TPCN2: variants seen among roughly 807,000 people sequenced by gnomAD.
The protein encoded by TPCN2 is two pore segment channel 2.
Under a neutral mutation model 111.4 loss-of-function variants are expected in TPCN2, and 92 were observed. The observed-to-expected ratio is 0.83, with a 90% confidence interval of 0.70 to 0.98. The LOEUF (loss-of-function observed/expected upper bound fraction) is 0.98, where lower values mean the gene tolerates loss of function less well. Among genes scored for constraint, TPCN2 ranks in the 50% least tolerant of loss-of-function variants. The pLI, the probability that TPCN2 is intolerant of heterozygous loss-of-function variation, is 0.00. For missense variants in TPCN2, 995 were observed against 980.1 expected (o/e 1.02, Z -0.20); for synonymous variants, 405 against 414.5 (o/e 0.98, Z 0.28).
rs1176090409 is a variant in TPCN2 at position 69,085,938 on chromosome 11, C to T, written c.2003+8C>T. On this transcript the variant is annotated splice_region_variant and intron_variant, in intron 22 of 24. Coordinates refer to ENST00000294309, the MANE Select transcript of TPCN2 (RefSeq NM_139075.4). ...TCGGCGCTACTCAGGCCCGTGAGTC[C>T]TCGTCTCCCTGACGGCAGTGATTCT... 2 of 1,612,254 alleles carry T rather than the reference C, an allele frequency of 1.2e-6. No individual in the cohort carries two copies. The highest frequency in any genetic ancestry group is 1.7e-6 in the Non-Finnish European group (2 of 1,178,732).
In TPCN2 at chr11:69,087,985, GGA is replaced by G; in HGVS notation, c.*40_*41del. On this transcript the variant is annotated 3_prime_UTR_variant, in exon 25 of 25. Coordinates refer to ENST00000294309, the MANE Select transcript of TPCN2 (RefSeq NM_139075.4). ...GGCTGCCGTCCCAGCAGGGGCGGCAGGAGAGAGAGGCTGGCCTACACAGGTGC... is the reference window on the plus strand; with the variant it reads ...GGCTGCCGTCCCAGCAGGGGCGGCAGGAGAGAGGCTGGCCTACACAGGTGC... The G allele has an allele frequency of 1.3e-6, 2 of 1,582,438 alleles. No homozygotes were observed. Among genetic ancestry groups the G allele is most frequent in the Non-Finnish European group, 1.7e-6 (2 of 1,164,474 alleles).
At chr11:69,070,561 C>T in intron 9 of TPCN2, 66 bp downstream of exon 9, 3 of 1,180,872 alleles carry the variant, frequency 2.5e-6, no homozygotes, top group Non-Finnish European at 1.2e-6. Flanking sequence ...CCGATACACC[C>T]TGCTGCCTCC....
In TPCN2 at chr11:69,062,789, A is replaced by T; in HGVS notation, c.547-95A>T. On this transcript the variant is annotated intron_variant, in intron 5 of 24. Transcript: ENST00000294309. ...GTGACTCTGGAGTGGCCCCCAGGGC[A>T]CTGGGGTCTCTGAACCGTGTGCCCA... is the stretch of plus-strand genomic sequence containing the variant. The T allele has an allele frequency of 2.5e-6, 3 of 1,177,334 alleles. No individual in the cohort carries two copies. The South Asian group carries it at 3.9e-5, about 15-fold the overall frequency. 72.9% of individuals were successfully genotyped at this position (1,177,334 alleles called of 1,614,324 possible). A position where few individuals can be genotyped will look rare whatever the true frequency, so the allele number is the denominator to read the frequency against.
In TPCN2 at chr11:69,057,674, C is replaced by G; in HGVS notation, c.526C>G (p.Leu176Val). The change falls in exon 5 of 25, where the codon CTG becomes GTG. Residue 176 changes from leucine to valine, a missense_variant. Coordinates refer to ENST00000294309, the MANE Select transcript of TPCN2 (RefSeq NM_139075.4). ...VVSLVDWTVS[L>V]SLVCHEPLRI... is the part of the protein sequence containing the mutation. ...GTCTCTGGTGGACTGGACCGTGTCC[C>G]TGAGTCTCGTGTGTCATGAGGTAGG... The G allele has an allele frequency of 6.2e-7, 1 of 1,614,174 alleles. No homozygotes were observed. Among genetic ancestry groups the G allele is most frequent in the Non-Finnish European group, 8.5e-7 (1 of 1,180,008 alleles).
In TPCN2 at chr11:69,052,697, G is replaced by T. The variant is rs1164554678; in HGVS notation, c.110-1336G>T. Among the ~76,000 whole-genome samples the T allele has an allele frequency of 2.6e-5, 4 of 152,178 alleles. 1 individual carries two copies. The highest frequency in any genetic ancestry group is 2.6e-4 in the Admixed American group (4 of 15,278). ...CTATACCTCATGCCCCCAAGCAGGAGCCCCGAGGACAGGGGCAGCTGCCTC... is the reference window on the plus strand; with the variant it reads ...CTATACCTCATGCCCCCAAGCAGGATCCCCGAGGACAGGGGCAGCTGCCTC... On this transcript the variant is annotated intron_variant, in intron 1 of 24. Transcript: ENST00000294309.
intron 1 of TPCN2, among the ~76,000 whole-genome samples, chr11:69,050,253 T>A (rs1861161291): frequency 6.6e-6 from 1 of 152,228 alleles, no homozygotes; most frequent in African/African-American, 2.4e-5. Flanking sequence ...GGAGCAGCTC[T>A]GGCAGGCCCC....
intron 22 of TPCN2, 96 bp downstream of exon 22, chr11:69,086,026 G>C (rs1353377912): frequency 1.6e-6 from 2 of 1,273,274 alleles, no homozygotes. Flanking sequence ...CGCCCGGAGC[G>C]TGGCTGGGAC....
chr11:69,081,690 C>T (rs1004596178), intron 18 of TPCN2, among the ~76,000 whole-genome samples, 191 bp downstream of exon 18: 1 of 152,148 alleles, frequency 6.6e-6, no homozygotes, highest in Non-Finnish European at 1.5e-5. Context: ...CAGGAGAGCC[C>T]AGCCCTGCAT....
chr11:69,059,278 G>A (rs1457677622), intron 5 of TPCN2, among the ~76,000 whole-genome samples: 1 of 141,556 alleles, frequency 7.1e-6, no homozygotes, highest in East Asian at 2.5e-4. Context: ...GCAGCAGCCA[G>A]CCTGCCCGCT....
rs964482125 is a variant in TPCN2, at chr11:69,082,128, A to G, written c.1689+629A>G. Among the ~76,000 whole-genome samples the G allele has an allele frequency of 1.8e-4, 27 of 152,188 alleles. 1 individual carries two copies. Among genetic ancestry groups the G allele is most frequent in the African/African-American group, 6.0e-4 (25 of 41,434 alleles). On this transcript the variant is annotated intron_variant, in intron 18 of 24. Transcript: ENST00000294309. ...GAGCTGTGCACCTGTCCCACCTGAC[A>G]GTATGTCCCACTTGAAGGCAGCTCA... is the stretch of plus-strand genomic sequence containing the variant.
intron 1 of TPCN2, 107 bp from the exon 2 acceptor site, chr11:69,053,926 G>T (rs67637249): frequency 0.011 from 10,299 of 949,718 alleles, 73 homozygotes; most frequent in Non-Finnish European, 0.014. Context: ...CTTTACAAAC[G>T]GCCTTGGGAA....
At chr11:69,052,948 C>G (rs530709494) in intron 1 of TPCN2, among the ~76,000 whole-genome samples, 1 of 152,226 alleles carries the variant, frequency 6.6e-6, no homozygotes, top group Non-Finnish European at 1.5e-5. Flanking sequence ...TCAGTTGCTT[C>G]GGGTTGAGTT....
intron 3 of TPCN2, 75 bp downstream of exon 3, chr11:69,054,872 A>G: frequency 5.5e-6 from 8 of 1,467,468 alleles, no homozygotes; most frequent in Non-Finnish European, 6.6e-6. Context: ...CCACCTGGGG[A>G]TCACCTGGTC....
In TPCN2 at chr11:69,070,413, T is replaced by C. The variant is rs190276019; in HGVS notation, c.830-17T>C. The stretch of plus-strand genomic sequence containing the variant: ...GTACTGAGGTTGTCAGTTTCTGTTA[T>C]TTCTTTTTTCTTTTAGTGATGATTC... On this transcript the variant is annotated splice_polypyrimidine_tract_variant and intron_variant, in intron 8 of 24. Coordinates refer to ENST00000294309, the MANE Select transcript of TPCN2 (RefSeq NM_139075.4). The C allele has an allele frequency of 5.8e-4, 927 of 1,604,820 alleles. 11 individuals are homozygous for C. The East Asian group carries it at 0.015, about 26-fold the overall frequency.
chr11:69,078,965 G>T lies in TPCN2; in HGVS notation c.1484G>T (p.Gly495Val). 1 of 1,614,042 alleles carries T rather than the reference G, an allele frequency of 6.2e-7. No individual in the cohort carries two copies. The highest frequency in any genetic ancestry group is 8.5e-7 in the Non-Finnish European group (1 of 1,179,998). ...LLKVFALGLR[G>V]YLSYPSNVFD... ...AAGGTCTTTGCCCTGGGCCTGCGAG[G>T]GTACCTGTCCTACCCCAGCAACGTG... The change falls in exon 16 of 25, where the codon GGG becomes GTG. Residue 495 changes from glycine (G) to valine (V), a missense_variant. By Grantham distance (109) the Gly-to-Val change is moderately radical (BLOSUM62 -3). Coordinates refer to ENST00000294309, the MANE Select transcript of TPCN2 (RefSeq NM_139075.4).
chr11:69,056,318 T>C (rs551006536), intron 4 of TPCN2, among the ~76,000 whole-genome samples: 1 of 152,336 alleles, frequency 6.6e-6, no homozygotes, highest in African/African-American at 2.4e-5. Context: ...TGTGGCTGGA[T>C]GCTGGTGTGT....
At position 69,055,046 on chromosome 11, in the gene TPCN2, C is replaced by T. The variant is rs1445877839; in HGVS notation, c.252-129C>T. ...GGAGCTTTGAGCAGATTCGTGATCT[C>T]CCCAGTCACGAGTGTCCACGCTCAG... On this transcript the variant is annotated intron_variant, in intron 3 of 24. Transcript: ENST00000294309. 7 of 1,036,612 alleles carry T rather than the reference C, an allele frequency of 6.8e-6. No individual in the cohort carries two copies. The East Asian group carries it at 7.1e-5, about 11-fold the overall frequency. 64.2% of individuals were successfully genotyped at this position (1,036,612 alleles called of 1,614,324 possible).
At chr11:69,079,748 T>TA in intron 16 of TPCN2, 86 bp from the exon 17 acceptor site, 1 of 1,290,042 alleles carries the variant, frequency 7.8e-7, no homozygotes, top group Non-Finnish European at 1.1e-6. Context: ...GAGAATGTGT[T>TA]AGAGATGAGC....
chr11:69,080,979 G>A (rs551245468), intron 17 of TPCN2, among the ~76,000 whole-genome samples: 1 of 152,236 alleles, frequency 6.6e-6, no homozygotes, highest in South Asian at 2.1e-4. Context: ...GGGCGATGGG[G>A]GCAGGAACCA....
Sources: allele counts gnomAD v4.1 joint callset (sites outside exome capture counted in the v4.1 genomes callset), GRCh38; gene constraint gnomAD v4.1.1; transcripts MANE v1.5; gene names NCBI Gene and HGNC (gene_info 2026-07-23, HGNC 2026-07-21).